Variants in CCN2 observed in about 807,000 individuals in gnomAD.
The protein encoded by CCN2 is cellular communication network factor 2.
In CCN2, 22 loss-of-function variants were observed where a neutral mutation model predicts 33.2. The ratio of observed to expected loss-of-function variants is 0.66; its 90% CI spans 0.47 to 0.95. The LOEUF (loss-of-function observed/expected upper bound fraction) is 0.95. Among genes scored for constraint, CCN2 ranks in the 40% least tolerant of loss-of-function variants. The pLI is 0.00. For missense variants in CCN2, 469 were observed against 498.8 expected, an observed-to-expected ratio of 0.94 and a Z score of 0.57; for synonymous variants, 178 against 200.6, an observed-to-expected ratio of 0.89 and a Z score of 0.95.
rs1490595910 is a variant in CCN2 at position 131,950,276 on chromosome 6, G to C, written c.541+16C>G. The stretch of plus-strand genomic sequence containing the variant: ...GAGAGAATCACGACCCTGACTTAGA[G>C]GAAGACTCGACTCACCCGCGAGGGC... On this transcript the variant is annotated intron_variant, in intron 3 of 4. Coordinates refer to ENST00000367976, the MANE Select transcript of CCN2 (RefSeq NM_001901.4). The surrounding 1 kb of genome is among the most constrained non-coding windows in gnomAD (Gnocchi z 7.1). The C allele has an allele frequency of 1.4e-5, 23 of 1,611,992 alleles. No homozygotes were observed. Among genetic ancestry groups the C allele is most frequent in the Non-Finnish European group, 2.0e-5 (23 of 1,178,452 alleles).
chr6:131,951,344 C>T lies in CCN2; in HGVS notation c.-172G>A. 6.5e-6 allele frequency: 3 copies of T among 458,764 alleles called. No homozygotes were observed. The highest frequency in any genetic ancestry group is 1.0e-5 in the Non-Finnish European group (3 of 288,958). The allele number at this position is 458,764 out of a possible 1,614,324, so 28.4% of individuals were successfully genotyped here. On this transcript the variant is annotated 5_prime_UTR_variant, in exon 1 of 5. Transcript: ENST00000367976. ...TGGAGGGTGGAGTCGCACTGGCTGTCTCCTCTCAGCGGGGAAGAGTTGTTG... is the reference window on the plus strand; with the variant it reads ...TGGAGGGTGGAGTCGCACTGGCTGTTTCCTCTCAGCGGGGAAGAGTTGTTG...
At position 131,951,222 on chromosome 6, in the gene CCN2, C is replaced by A. The variant is rs377154534; in HGVS notation, c.-50G>T. The A allele has an allele frequency of 7.9e-7, 1 of 1,259,188 alleles. No individual in the cohort carries two copies. The highest frequency in any genetic ancestry group is 1.0e-6 in the Non-Finnish European group (1 of 1,002,608). 78.0% of individuals were successfully genotyped at this position (1,259,188 alleles called of 1,614,324 possible). ...GGGCGCGGTGGCGGCGAGCGGGGAGCGGCGGGGCCTGGAGCGCTGGCGGTG... is the reference window on the plus strand; with the variant it reads ...GGGCGCGGTGGCGGCGAGCGGGGAGAGGCGGGGCCTGGAGCGCTGGCGGTG... On this transcript the variant is annotated 5_prime_UTR_variant, in exon 1 of 5. Transcript: ENST00000367976.
chr6:131,949,933 G>T lies in CCN2; in HGVS notation c.753+16C>A, dbSNP rs1562204176. ...TTTTTCCTGTGAAAAATAGTTAATA[G>T]GAGCAGAACATGTACCTTAATGTTC... On this transcript the variant is annotated intron_variant, in intron 4 of 4. Transcript: ENST00000367976. The T allele has an allele frequency of 1.2e-6, 2 of 1,612,254 alleles. No individual in the cohort carries two copies. The highest frequency in any genetic ancestry group is 1.7e-6 in the Non-Finnish European group (2 of 1,178,868).
Position 131,951,134 on chromosome 6 carries a change from G to A in CCN2, c.39C>T (p.Phe13=). ...AASMGPVRVA[F]VVLLALCSRP... ...GGCTGCAGAGGGCGAGGAGGACCAC[G>A]AAGGCGACGCGGACGGGGCCCATAC... Residue 13 remains phenylalanine, a synonymous_variant, in exon 1 of 5, where the codon TTC becomes TTT. Coordinates refer to ENST00000367976, the MANE Select transcript of CCN2 (RefSeq NM_001901.4). 3 of 1,344,974 alleles carry A rather than the reference G, an allele frequency of 2.2e-6. No individual in the cohort carries two copies. The highest frequency in any genetic ancestry group is 1.5e-5 in the African/African-American group (1 of 66,078). 83.3% of individuals were successfully genotyped at this position (1,344,974 alleles called of 1,614,324 possible).
rs1166925440 is a variant in CCN2, at chr6:131,950,885, G to A, written c.174C>T (p.Arg58=). The change falls in exon 2 of 5, where the codon CGC becomes CGT. Residue 58 remains arginine (R), a synonymous_variant. Transcript: ENST00000367976. The surrounding 1 kb of genome is among the most constrained non-coding windows in gnomAD (Gnocchi z 7.1). Reference sequence around the variant, plus strand: ...GCTCGCCCAGCTGCTTGGCGCAGACGCGGCAGCAGCCGCAGCCGTCCAGCA... The same window carrying A: ...GCTCGCCCAGCTGCTTGGCGCAGACACGGCAGCAGCCGCAGCCGTCCAGCA... ...SLVLDGCGCC[R]VCAKQLGELC... is the part of the protein sequence containing the mutation. The A allele has an allele frequency of 5.2e-6, 8 of 1,530,002 alleles. No homozygotes were observed. The highest frequency in any genetic ancestry group is 1.4e-5 in the African/African-American group (1 of 72,560). 94.8% of individuals were successfully genotyped at this position (1,530,002 alleles called of 1,614,324 possible).
Position 131,951,282 on chromosome 6 carries a change from G to A in CCN2, c.-110C>T, listed in dbSNP as rs751442523. 6 of 974,386 alleles carry A rather than the reference G, an allele frequency of 6.2e-6. No individual in the cohort carries two copies. Among genetic ancestry groups the A allele is most frequent in the Admixed American group, 8.9e-5 (2 of 22,448 alleles). The allele number at this position is 974,386 out of a possible 1,614,324, so 60.4% of individuals were successfully genotyped here. A position where few individuals can be genotyped will look rare whatever the true frequency, so the allele number is the denominator to read the frequency against. On this transcript the variant is annotated 5_prime_UTR_variant, in exon 1 of 5. The change creates a new upstream start codon in the 5' untranslated region. Coordinates refer to ENST00000367976, the MANE Select transcript of CCN2 (RefSeq NM_001901.4). ...GGGGACCGGGACGCGCCGGGCTGTC[G>A]TCTCGGGGCTGTCGGCCGGGGCGGC... is the stretch of plus-strand genomic sequence containing the variant.
Position 131,950,994 on chromosome 6 carries a change from T to TGCAGGGAGG in CCN2, c.67-11_67-3dup, listed in dbSNP as rs1285812731. The TGCAGGGAGG allele has an allele frequency of 3.7e-5, 48 of 1,310,866 alleles. No homozygotes were observed. In the East Asian group the frequency reaches 1.4e-3, roughly 37 times the overall value. The allele number at this position is 1,310,866 out of a possible 1,614,324, so 81.2% of individuals were successfully genotyped here. On this transcript the variant is annotated splice_region_variant and splice_polypyrimidine_tract_variant and intron_variant, in intron 1 of 4. Transcript: ENST00000367976. The surrounding 1 kb of genome is among the most constrained non-coding windows in gnomAD (Gnocchi z 7.1). ...GCTGCAGTTCTGGCCGACGGCCGGC[T>TGCAGGGAGG]GCAGGGAGGACAGGGCGGTCAGCGG... is the stretch of plus-strand genomic sequence containing the variant.
chr6:131,950,688 G>C lies in CCN2; in HGVS notation c.289+82C>G, dbSNP rs979318137. The stretch of plus-strand genomic sequence containing the variant: ...GCAGCTGGAGAAAGAAACTCAGTCC[G>C]AGCGGTTTCTTTTTCCAGCGGGCGG... On this transcript the variant is annotated intron_variant, in intron 2 of 4. Transcript: ENST00000367976. This position sits in a 1 kb window ranked among gnomAD's most constrained non-coding sequence, Gnocchi z 7.1. 13 of 1,474,832 alleles carry C rather than the reference G, an allele frequency of 8.8e-6. No individual in the cohort carries two copies. The highest frequency in any genetic ancestry group is 4.1e-5 in the African/African-American group (3 of 72,544). The allele number at this position is 1,474,832 out of a possible 1,614,324, so 91.4% of individuals were successfully genotyped here.
chr6:131,951,075 C>T (rs1395959251), intron 1 of CCN2, 32 bp downstream of exon 1: 5 of 1,292,346 alleles, frequency 3.9e-6, no homozygotes, highest in South Asian at 2.4e-5. Flanking sequence ...CCCTGGCAGC[C>T]GCCGGCCGCA....
In CCN2 at chr6:131,950,231, A is replaced by G; in HGVS notation, c.541+61T>C. On this transcript the variant is annotated intron_variant, in intron 3 of 4. Coordinates refer to ENST00000367976, the MANE Select transcript of CCN2 (RefSeq NM_001901.4). This position sits in a 1 kb window ranked among gnomAD's most constrained non-coding sequence, Gnocchi z 7.1. ...GGTATTTCCCCCGTTCGGTCGGCAC[A>G]GTTAGGACTCCCTCCCTGGGAGAGA... The G allele has an allele frequency of 6.2e-7, 1 of 1,610,780 alleles. No homozygotes were observed. Among genetic ancestry groups the G allele is most frequent in the Non-Finnish European group, 8.5e-7 (1 of 1,177,472 alleles).
Position 131,949,957 on chromosome 6 carries a change from T to C in CCN2, c.745A>G (p.Asn249Asp). 6.2e-7 allele frequency: 1 copy of C among 1,614,174 alleles called. No individual in the cohort carries two copies. The highest frequency in any genetic ancestry group is 8.5e-7 in the Non-Finnish European group (1 of 1,180,026). ...AGGAGCAGAACATGTACCTTAATGT[T>C]CTCTTCCAGGTCAGCTTCGCAAGGC... ...VRPCEADLEE[N>D]IKKGKKCIRT... is the part of the protein sequence containing the mutation. The change falls in exon 4 of 5, where the codon AAC becomes GAC. Residue 249 changes from asparagine to aspartate, a missense_variant. Coordinates refer to ENST00000367976, the MANE Select transcript of CCN2 (RefSeq NM_001901.4).
In CCN2 at chr6:131,950,238, A is replaced by G; in HGVS notation, c.541+54T>C. 3.7e-6 allele frequency: 6 copies of G among 1,609,842 alleles called. No individual in the cohort carries two copies. In the Admixed American group the frequency reaches 1.0e-4, roughly 27 times the overall value. The stretch of plus-strand genomic sequence containing the variant: ...CCCCCGTTCGGTCGGCACAGTTAGG[A>G]CTCCCTCCCTGGGAGAGAATCACGA... On this transcript the variant is annotated intron_variant, in intron 3 of 4. Transcript: ENST00000367976. The surrounding 1 kb of genome is among the most constrained non-coding windows in gnomAD (Gnocchi z 7.1).
rs1783108970 is a variant in CCN2 at position 131,951,324 on chromosome 6, G to A, written c.-152C>T. ...CGGGGCGGCTGCCGTCGAGCTGGAGGGTGGAGTCGCACTGGCTGTCTCCTC... is the reference window on the plus strand; with the variant it reads ...CGGGGCGGCTGCCGTCGAGCTGGAGAGTGGAGTCGCACTGGCTGTCTCCTC... On this transcript the variant is annotated 5_prime_UTR_variant, in exon 1 of 5. Coordinates refer to ENST00000367976, the MANE Select transcript of CCN2 (RefSeq NM_001901.4). The A allele has an allele frequency of 1.8e-6, 1 of 562,240 alleles. No individual in the cohort carries two copies. Among genetic ancestry groups the A allele is most frequent in the Non-Finnish European group, 2.6e-6 (1 of 382,604 alleles). 34.8% of individuals were successfully genotyped at this position (562,240 alleles called of 1,614,324 possible). A position where few individuals can be genotyped will look rare whatever the true frequency, so the allele number is the denominator to read the frequency against.
Position 131,949,181 on chromosome 6 carries a change from A to T in CCN2, c.*83T>A. On this transcript the variant is annotated 3_prime_UTR_variant, in exon 5 of 5. Transcript: ENST00000367976. ...AAAACAGATTTAAATAACTTGTGCTACTGAAATCATTTTTACGGAAAAATG... is the reference window on the plus strand; with the variant it reads ...AAAACAGATTTAAATAACTTGTGCTTCTGAAATCATTTTTACGGAAAAATG... The T allele has an allele frequency of 8.2e-7, 1 of 1,213,994 alleles. No homozygotes were observed. Among genetic ancestry groups the T allele is most frequent in the Non-Finnish European group, 1.2e-6 (1 of 835,744 alleles). 75.2% of individuals were successfully genotyped at this position (1,213,994 alleles called of 1,614,324 possible). A position where few individuals can be genotyped will look rare whatever the true frequency, so the allele number is the denominator to read the frequency against.
Position 131,950,073 on chromosome 6 carries a change from G to A in CCN2, c.629C>T (p.Ser210Phe). The change falls in exon 4 of 5, where the codon TCC (serine) becomes TTC (phenylalanine). Residue 210 changes from serine to phenylalanine, a missense_variant. Physicochemically the swap from Ser to Phe is radical, Grantham distance 155. Transcript: ENST00000367976. This position sits in a 1 kb window ranked among gnomAD's most constrained non-coding sequence, Gnocchi z 7.1. ...GGAGATGCCCATCCCACAGGTCTTG[G>A]AACAGGCGCTCCACTCTGTGGTCTG... Reference protein sequence around the residue: ...LVQTTEWSACSKTCGMGISTR... With the variant: ...LVQTTEWSACFKTCGMGISTR... The A allele has an allele frequency of 6.2e-7, 1 of 1,614,246 alleles. No homozygotes were observed. The highest frequency in any genetic ancestry group is 8.5e-7 in the Non-Finnish European group (1 of 1,180,044).
Position 131,949,156 on chromosome 6 carries a change from A to C in CCN2, c.*108T>G. 9.7e-7 allele frequency: 1 copy of C among 1,033,026 alleles called. No individual in the cohort carries two copies. Among genetic ancestry groups the C allele is most frequent in the Non-Finnish European group, 1.4e-6 (1 of 691,896 alleles). The allele number at this position is 1,033,026 out of a possible 1,614,324, so 64.0% of individuals were successfully genotyped here. A position where few individuals can be genotyped will look rare whatever the true frequency, so the allele number is the denominator to read the frequency against. On this transcript the variant is annotated 3_prime_UTR_variant, in exon 5 of 5. Transcript: ENST00000367976. The stretch of plus-strand genomic sequence containing the variant: ...GTGGGAATCTTTTCCCCCAGTTAGA[A>C]AAACAGATTTAAATAACTTGTGCTA...
chr6:131,949,365 T>C lies in CCN2; in HGVS notation c.949A>G (p.Met317Val), dbSNP rs752118942. 5 of 1,614,222 alleles carry C rather than the reference T, an allele frequency of 3.1e-6. No homozygotes were observed. Among genetic ancestry groups the C allele is most frequent in the South Asian group, 2.2e-5 (2 of 91,086 alleles). ...CAGGCACAGGTCTTGATGAACATCATGTTCTTCTTCATGACCTCGCCGTCA... is the reference window on the plus strand; with the variant it reads ...CAGGCACAGGTCTTGATGAACATCACGTTCTTCTTCATGACCTCGCCGTCA... ...CPDGEVMKKNMMFIKTCACHY... is the reference protein window; with the variant it reads ...CPDGEVMKKNVMFIKTCACHY... The change falls in exon 5 of 5, where the codon ATG (methionine) becomes GTG (valine). Residue 317 changes from methionine (M) to valine (V), a missense_variant. Transcript: ENST00000367976.
In CCN2 at chr6:131,950,770, C is replaced by T. The variant is rs372597924; in HGVS notation, c.289G>A (p.Ala97Thr). 1.9e-6 allele frequency: 3 copies of T among 1,540,942 alleles called. No individual in the cohort carries two copies. The highest frequency in any genetic ancestry group is 2.7e-5 in the African/African-American group (2 of 73,524). The change falls in exon 2 of 5, where the codon GCC becomes ACC. Residue 97 changes from alanine (A) to threonine (T), a missense_variant and splice_region_variant. Ala to Thr is a moderately conservative substitution (Grantham distance 58, BLOSUM62 0). Transcript: ENST00000367976. This position sits in a 1 kb window ranked among gnomAD's most constrained non-coding sequence, Gnocchi z 7.1. ...TAGCGGTGGGGGCTGCGGGTCTTAC[C>T]GGTGCACACGCCGATCTTGCGGTTG... The part of the protein sequence containing the change: ...PANRKIGVCT[A>T]KDGAPCIFGG...
At position 131,950,109 on chromosome 6, in the gene CCN2, T is replaced by G. The variant is rs781728789; in HGVS notation, c.593A>C (p.Asn198Thr). The change falls in exon 4 of 5, where the codon AAC (asparagine) becomes ACC (threonine). Residue 198 changes from asparagine to threonine, a missense_variant. Physicochemically the swap from Asn to Thr is moderately conservative, Grantham distance 65 (BLOSUM62 0). Coordinates refer to ENST00000367976, the MANE Select transcript of CCN2 (RefSeq NM_001901.4). This position sits in a 1 kb window ranked among gnomAD's most constrained non-coding sequence, Gnocchi z 7.1. ...FGPDPTMIRA[N>T]CLVQTTEWSA... ...CCACTCTGTGGTCTGGACCAGGCAG[T>G]TGGCTCTAATCATAGTTGGGTCTGG... 1.9e-6 allele frequency: 3 copies of G among 1,614,122 alleles called. No homozygotes were observed. In the African/African-American group the frequency reaches 4.0e-5, roughly 22 times the overall value.
Sources: gnomAD v4.1 joint callset for allele counts on GRCh38, gnomAD v4.1.1 for gene constraint, Gnocchi (gnomAD v3.1) non-coding constraint, MANE v1.5 for transcripts, NCBI Gene and HGNC (gene_info 2026-07-23, HGNC 2026-07-21) for gene names.